Variants in CHGB observed in about 807,000 individuals in gnomAD.
CHGB encodes secretogranin-1.
Under a neutral mutation model 69.9 loss-of-function variants are expected in CHGB, and 46 were observed. The observed-to-expected ratio is 0.66, with a 90% CI of 0.52 to 0.84. The LOEUF (loss-of-function observed/expected upper bound fraction) is 0.84, where lower values mean the gene tolerates loss of function less well. Among genes scored for constraint, CHGB ranks in the 40% least tolerant of loss-of-function variants. The pLI is 0.00. For synonymous variants in CHGB, 312 were observed against 298.2 expected (o/e 1.05, Z -0.48); for missense variants, 796 against 822.2 (o/e 0.97, Z 0.39).
chr20:5,922,322 A>C lies in CHGB; in HGVS notation c.191-13A>C, dbSNP rs1009967537. On this transcript the variant is annotated splice_polypyrimidine_tract_variant and intron_variant, in intron 3 of 4. Transcript: ENST00000378961. ...AATTCTGAAATTATACCTACTCTTC[A>C]TTTTCATTATAGGTAGAAAAGACGT... is the stretch of plus-strand genomic sequence containing the variant. 1 of 1,517,122 alleles carries C rather than the reference A, an allele frequency of 6.6e-7. No individual in the cohort carries two copies. The highest frequency in any genetic ancestry group is 8.8e-7 in the Non-Finnish European group (1 of 1,132,066). The allele number at this position is 1,517,122 out of a possible 1,614,324, so 94.0% of individuals were successfully genotyped here.
chr20:5,922,442 A>G lies in CHGB; in HGVS notation c.298A>G (p.Ser100Gly). 6.2e-7 allele frequency: 1 copy of G among 1,613,446 alleles called. No individual in the cohort carries two copies. Among genetic ancestry groups the G allele is most frequent in the Non-Finnish European group, 8.5e-7 (1 of 1,179,354 alleles). Residue 100 changes from serine to glycine, a missense_variant, in exon 4 of 5, where the codon AGC becomes GGC. Ser to Gly is a moderately conservative substitution (Grantham distance 56, BLOSUM62 0). This residue lies in a region of CHGB where 518 missense variants were observed against 506.3 expected (regional missense o/e 1.02). Transcript: ENST00000378961. Reference protein sequence around the residue: ...ADASEAHESSSRGEAGAPGEE... With the variant: ...ADASEAHESSGRGEAGAPGEE... ...TGCCTCGGAAGCCCACGAGTCCTCC[A>G]GCAGGGGAGAGGCAGGAGCCCCAGG...
rs1405567419 is a variant in CHGB, at chr20:5,923,764, C to T, written c.1620C>T (p.Asp540=). 1 of 1,614,128 alleles carries T rather than the reference C, an allele frequency of 6.2e-7. No homozygotes were observed. The highest frequency in any genetic ancestry group is 8.5e-7 in the Non-Finnish European group (1 of 1,179,994). ...QWKSSHFERR[D]NMNDNFLEGE... ...AGAGCAGCCATTTTGAAAGAAGAGACAACATGAATGACAATTTTCTCGAGG... is the reference window on the plus strand; with the variant it reads ...AGAGCAGCCATTTTGAAAGAAGAGATAACATGAATGACAATTTTCTCGAGG... The change falls in exon 4 of 5, where the codon GAC becomes GAT. Residue 540 remains aspartate (D), a synonymous_variant. Transcript: ENST00000378961.
intron 4 of CHGB, 101 bp from the exon 5 acceptor site, chr20:5,924,871 T>G (rs2088540713): frequency 1.5e-6 from 1 of 668,704 alleles, no homozygotes. Flanking sequence ...TAATGCAGCT[T>G]CTAACATGCC....
At chr20:5,920,324 A>T (rs2122573823) in intron 3 of CHGB, among the ~76,000 whole-genome samples, 1 of 152,362 alleles carries the variant, frequency 6.6e-6, no homozygotes, top group Admixed American at 6.5e-5. Flanking sequence ...GCTCTATTTC[A>T]ACCAACTCTC....
chr20:5,913,787 G>A (rs1451742625), intron 1 of CHGB, among the ~76,000 whole-genome samples: 1 of 151,328 alleles, frequency 6.6e-6, no homozygotes, highest in Non-Finnish European at 1.5e-5. Context: ...GTGTCACCAC[G>A]CCCAGCTAAT....
chr20:5,923,052 A>G lies in CHGB; in HGVS notation c.908A>G (p.Glu303Gly). ...SSQGGSLPSE[E>G]KGHPQEESEE... ...CAAGGAGGGAGTCTTCCCTCTGAGG[A>G]AAAGGGACACCCCCAGGAGGAATCT... The change falls in exon 4 of 5, where the codon GAA (glutamate) becomes GGA (glycine). Residue 303 changes from glutamate to glycine, a missense_variant. Physicochemically the swap from Glu to Gly is moderately conservative, Grantham distance 98. This residue lies in a region of CHGB where 518 missense variants were observed against 506.3 expected (regional missense o/e 1.02). Transcript: ENST00000378961. 1 of 1,613,962 alleles carries G rather than the reference A, an allele frequency of 6.2e-7. No individual in the cohort carries two copies. Among genetic ancestry groups the G allele is most frequent in the East Asian group, 2.2e-5 (1 of 44,868 alleles).
chr20:5,920,253 T>A (rs2088506063), intron 3 of CHGB, among the ~76,000 whole-genome samples: 1 of 152,146 alleles, frequency 6.6e-6, no homozygotes. Flanking sequence ...CACAAACCAG[T>A]AGGCAGTAGG....
In CHGB at chr20:5,922,359, A is replaced by G. The variant is rs2088518819; in HGVS notation, c.215A>G (p.Glu72Gly). ...KTSRKDVKDKETTENENTKFE... is the reference protein window; with the variant it reads ...KTSRKDVKDKGTTENENTKFE... ...GGTAGAAAAGACGTCAAAGACAAAG[A>G]GACAACTGAAAATGAAAACACAAAG... Residue 72 changes from glutamate to glycine, a missense_variant, in exon 4 of 5, where the codon GAG (glutamate) becomes GGG (glycine). Physicochemically the swap from Glu to Gly is moderately conservative, Grantham distance 98. Transcript: ENST00000378961. 1 of 1,560,744 alleles carries G rather than the reference A, an allele frequency of 6.4e-7. No homozygotes were observed.
In CHGB at chr20:5,923,121, A is replaced by T; in HGVS notation, c.977A>T (p.Asp326Val). Reference protein sequence around the residue: ...VSMASLGEKRDHHSTHYRASE... With the variant: ...VSMASLGEKRVHHSTHYRASE... ...ATGGCCAGTTTAGGGGAAAAGAGGG[A>T]CCACCATTCAACCCACTACAGGGCT... is the stretch of plus-strand genomic sequence containing the variant. Residue 326 changes from aspartate (D) to valine (V), a missense_variant, in exon 4 of 5, where the codon GAC becomes GTC. Coordinates refer to ENST00000378961, the MANE Select transcript of CHGB (RefSeq NM_001819.3). 1.9e-6 allele frequency: 3 copies of T among 1,614,142 alleles called. No homozygotes were observed. Among genetic ancestry groups the T allele is most frequent in the Non-Finnish European group, 2.5e-6 (3 of 1,180,026 alleles).
chr20:5,923,877 A>G lies in CHGB; in HGVS notation c.1733A>G (p.Glu578Gly), dbSNP rs2088533538. ...YDWWEKKPFSEDVNWGYEKRN... is the reference protein window; with the variant it reads ...YDWWEKKPFSGDVNWGYEKRN... ...TGGTGGGAGAAAAAGCCCTTCTCTG[A>G]GGATGTGAACTGGGGGTATGAGAAG... The change falls in exon 4 of 5, where the codon GAG becomes GGG. Residue 578 changes from glutamate (E) to glycine (G), a missense_variant. By Grantham distance (98) the Glu-to-Gly change is moderately conservative. Around this residue, in one of 3 missense-constraint regions of CHGB, gnomAD observed 274 missense variants for 298.9 expected, o/e 0.92. Transcript: ENST00000378961. 1 of 1,614,210 alleles carries G rather than the reference A, an allele frequency of 6.2e-7. No homozygotes were observed. The highest frequency in any genetic ancestry group is 8.5e-7 in the Non-Finnish European group (1 of 1,180,036).
At position 5,924,972 on chromosome 20, in the gene CHGB, A is replaced by G. The variant is rs1568552841; in HGVS notation, c.1957A>G (p.Lys653Glu). 1.2e-6 allele frequency: 2 copies of G among 1,608,992 alleles called. No homozygotes were observed. The highest frequency in any genetic ancestry group is 2.7e-5 in the African/African-American group (2 of 74,950). Residue 653 changes from lysine (K) to glutamate (E), a missense_variant and splice_region_variant, in exon 5 of 5, where the codon AAA becomes GAA. By Grantham distance (56) the Lys-to-Glu change is moderately conservative. Coordinates refer to ENST00000378961, the MANE Select transcript of CHGB (RefSeq NM_001819.3). ...GCCTCCACTTTTCTGTATTTTCCAG[A>G]AAAAAGAACTCGAAAACTTGGCTGC... ...ADQTVLTEDE[K>E]KELENLAAMD...
rs2088523103 is a variant in CHGB at position 5,922,769 on chromosome 20, A to G, written c.625A>G (p.Lys209Glu). Residue 209 changes from lysine to glutamate, a missense_variant, in exon 4 of 5, where the codon AAA (lysine) becomes GAA (glutamate). By Grantham distance (56) the Lys-to-Glu change is moderately conservative. Transcript: ENST00000378961. ...LNERKQASAI[K>E]KEELVARSET... The stretch of plus-strand genomic sequence containing the variant: ...TGAAAGAAAGCAGGCTTCAGCTATA[A>G]AAAAAGAGGAGTTAGTGGCCAGATC... 6.2e-7 allele frequency: 1 copy of G among 1,614,144 alleles called. No homozygotes were observed. Among genetic ancestry groups the G allele is most frequent in the Non-Finnish European group, 8.5e-7 (1 of 1,180,018 alleles).
chr20:5,916,407 G>T, intron 2 of CHGB, 35 bp downstream of exon 2: 1 of 1,537,704 alleles, frequency 6.5e-7, no homozygotes, highest in Non-Finnish European at 9.0e-7. Flanking sequence ...ATCTAGACTT[G>T]TGTCTAGACT....
rs776807605 is a variant in CHGB, at chr20:5,916,865, T to A, written c.136T>A (p.Ser46Thr). The part of the protein sequence containing the change: ...CIIEVLSNAL[S>T]KSSAPPITPE... ...CATTGAGGTCCTCTCAAATGCCTTGTCGAAGTCCAGCGCTCCACCCATCAC... is the reference window on the plus strand; with the variant it reads ...CATTGAGGTCCTCTCAAATGCCTTGACGAAGTCCAGCGCTCCACCCATCAC... The change falls in exon 3 of 5, where the codon TCG becomes ACG. Residue 46 changes from serine (S) to threonine (T), a missense_variant. By Grantham distance (58) the Ser-to-Thr change is moderately conservative. Coordinates refer to ENST00000378961, the MANE Select transcript of CHGB (RefSeq NM_001819.3). 8.7e-6 allele frequency: 14 copies of A among 1,614,078 alleles called. No individual in the cohort carries two copies. The highest frequency in any genetic ancestry group is 8.0e-5 in the African/African-American group (6 of 74,918).
Position 5,924,991 on chromosome 20 carries a change from T to C in CHGB, c.1976T>C (p.Leu659Ser). The change falls in exon 5 of 5, where the codon TTG becomes TCG. Residue 659 changes from leucine to serine, a missense_variant. Physicochemically the swap from Leu to Ser is moderately radical, Grantham distance 145. Around this residue, in one of 3 missense-constraint regions of CHGB, gnomAD observed 274 missense variants for 298.9 expected, o/e 0.92. Coordinates refer to ENST00000378961, the MANE Select transcript of CHGB (RefSeq NM_001819.3). ...TTCCAGAAAAAAGAACTCGAAAACT[T>C]GGCTGCAATGGATTTGGAACTACAG... ...TEDEKKELENLAAMDLELQKI... is the reference protein window; with the variant it reads ...TEDEKKELENSAAMDLELQKI... The C allele has an allele frequency of 6.2e-7, 1 of 1,613,046 alleles. No homozygotes were observed. Among genetic ancestry groups the C allele is most frequent in the Non-Finnish European group, 8.5e-7 (1 of 1,179,264 alleles).
chr20:5,916,611 T>G (rs529968890), intron 2 of CHGB, among the ~76,000 whole-genome samples: 13 of 152,342 alleles, frequency 8.5e-5, no homozygotes, highest in Admixed American at 2.0e-4. Context: ...TTTATTTCCC[T>G]TCTCCAGATA....
intron 1 of CHGB, chr20:5,915,392 T>A (rs2088469504): frequency 1.3e-5 from 2 of 152,236 alleles, no homozygotes; most frequent in Non-Finnish European, 2.9e-5. Flanking sequence ...AAACACCAAT[T>A]TGCATAAAAT....
chr20:5,914,319 C>G (rs1283793672), intron 1 of CHGB, among the ~76,000 whole-genome samples: 1 of 152,172 alleles, frequency 6.6e-6, no homozygotes, highest in East Asian at 1.9e-4. Context: ...CAAAAGCAGA[C>G]CCTAGTTTTT....
chr20:5,923,887 C>A lies in CHGB; in HGVS notation c.1743C>A (p.Asn581Lys), dbSNP rs778602942. 2 of 1,614,142 alleles carry A rather than the reference C, an allele frequency of 1.2e-6. No homozygotes were observed. The highest frequency in any genetic ancestry group is 2.2e-5 in the South Asian group (2 of 91,080). Residue 581 changes from asparagine to lysine, a missense_variant, in exon 4 of 5, where the codon AAC becomes AAA. By Grantham distance (94) the Asn-to-Lys change is moderately conservative. Coordinates refer to ENST00000378961, the MANE Select transcript of CHGB (RefSeq NM_001819.3). The part of the protein sequence containing the change: ...WEKKPFSEDV[N>K]WGYEKRNLAR... ...AAAAGCCCTTCTCTGAGGATGTGAA[C>A]TGGGGGTATGAGAAGAGAAACCTCG...
Sources: allele counts gnomAD v4.1 joint callset (sites outside exome capture counted in the v4.1 genomes callset), GRCh38; gene constraint gnomAD v4.1.1; regional missense constraint gnomAD v4.1.1; transcripts MANE v1.5; gene names NCBI Gene and HGNC (gene_info 2026-07-23, HGNC 2026-07-21).